CNTNAP5: variants seen among roughly 807,000 people sequenced by gnomAD.
CNTNAP5 encodes contactin-associated protein-like 5.
In CNTNAP5, 72 loss-of-function variants were observed where a neutral mutation model predicts 150.2. The ratio of observed to expected loss-of-function variants is 0.48; its 90% confidence interval spans 0.40 to 0.58. The LOEUF (loss-of-function observed/expected upper bound fraction) is 0.58, where lower values mean the gene tolerates loss of function less well. Among genes scored for constraint, CNTNAP5 ranks in the 20% least tolerant of loss-of-function variants. CNTNAP5 has a pLI of 0.00. For synonymous variants in CNTNAP5, 672 were observed against 619.8 expected, an observed-to-expected ratio of 1.08 and a Z score of -1.25; for missense variants, 1,636 against 1,626.2, an observed-to-expected ratio of 1.01 and a Z score of -0.10.
intron 13 of CNTNAP5, chr2:124,681,054 G>C (rs1021023781): frequency 1.3e-5 from 2 of 151,626 alleles, no homozygotes; most frequent in African/African-American, 4.8e-5. Context: ...GGAGGTCGAG[G>C]TGTGTGGATC....
chr2:124,370,911 C>T (rs1225713603), intron 3 of CNTNAP5, among the ~76,000 whole-genome samples: 1 of 151,980 alleles, frequency 6.6e-6, no homozygotes, highest in African/African-American at 2.4e-5. Flanking sequence ...ACAGTTAAAC[C>T]TGAGTTTTGT....
chr2:124,347,888 G>A (rs1465785334), intron 3 of CNTNAP5, among the ~76,000 whole-genome samples: 1 of 150,840 alleles, frequency 6.6e-6, no homozygotes, highest in Non-Finnish European at 1.5e-5. Context: ...GCAGTGGCAC[G>A]AACTCCGCTC....
At chr2:124,261,176 T>C (rs1360867440) in intron 3 of CNTNAP5, among the ~76,000 whole-genome samples, 1 of 152,206 alleles carries the variant, frequency 6.6e-6, no homozygotes, top group Non-Finnish European at 1.5e-5. Flanking sequence ...CATGTTCATC[T>C]GCTAATTCAG....
intron 13 of CNTNAP5, among the ~76,000 whole-genome samples, chr2:124,672,882 A>G (rs1446109623): frequency 6.6e-6 from 1 of 152,190 alleles, no homozygotes; most frequent in Admixed American, 6.5e-5. Context: ...TAAAAGCACA[A>G]GGGATAAACT....
chr2:124,266,315 T>G (rs1687605322), intron 3 of CNTNAP5, among the ~76,000 whole-genome samples: 1 of 152,196 alleles, frequency 6.6e-6, no homozygotes, highest in Admixed American at 6.5e-5. Context: ...TGACCATTTT[T>G]AAGAACTAAA....
intron 11 of CNTNAP5, among the ~76,000 whole-genome samples, chr2:124,566,519 A>C (rs191269961): frequency 6.6e-6 from 1 of 152,294 alleles, no homozygotes; most frequent in African/African-American, 2.4e-5. Flanking sequence ...GACTCAACAC[A>C]CAAAAACCTT....
intron 14 of CNTNAP5, among the ~76,000 whole-genome samples, chr2:124,759,752 G>T (rs1209284274): frequency 6.6e-6 from 1 of 151,756 alleles, no homozygotes; most frequent in African/African-American, 2.4e-5. Context: ...CTTATGTTAG[G>T]AAATAAAAAC....
Position 124,507,667 on chromosome 2 carries a change from C to T in CNTNAP5, c.1327+3111C>T, listed in dbSNP as rs766252509. Among the ~76,000 whole-genome samples, 114 of 152,184 alleles carry T rather than the reference C, an allele frequency of 7.5e-4. 2 individuals are homozygous for T. The highest frequency in any genetic ancestry group is 2.2e-4 in the Non-Finnish European group (15 of 67,992). On this transcript the variant is annotated intron_variant, in intron 8 of 23. Coordinates refer to ENST00000682447, the MANE Select transcript of CNTNAP5 (RefSeq NM_001367498.1). The stretch of plus-strand genomic sequence containing the variant: ...TTTAAATGTTTGGACTCTCAGTCCT[C>T]GATCCATACAAGGGAGAGCCTTACA...
At chr2:124,064,191 T>C (rs1682094061) in intron 1 of CNTNAP5, among the ~76,000 whole-genome samples, 1 of 152,144 alleles carries the variant, frequency 6.6e-6, no homozygotes, top group African/African-American at 2.4e-5. Flanking sequence ...CTGTATTAAG[T>C]GCATCTGAAT....
At chr2:124,592,240 A>G (rs1195087837) in intron 11 of CNTNAP5, among the ~76,000 whole-genome samples, 1 of 152,102 alleles carries the variant, frequency 6.6e-6, no homozygotes, top group Non-Finnish European at 1.5e-5. Flanking sequence ...AGATCACTAG[A>G]CATGGTGTTT....
intron 3 of CNTNAP5, among the ~76,000 whole-genome samples, chr2:124,288,399 C>T (rs1442477325): frequency 6.6e-6 from 1 of 152,158 alleles, no homozygotes; most frequent in Non-Finnish European, 1.5e-5. Context: ...AAACTCTATA[C>T]ATGGGGCACT....
At chr2:124,565,538 G>T (rs886586418) in intron 11 of CNTNAP5, among the ~76,000 whole-genome samples, 1 of 143,084 alleles carries the variant, frequency 7.0e-6, no homozygotes, top group Non-Finnish European at 1.5e-5. Context: ...AAGAACAATA[G>T]AATAACAGAG....
intron 20 of CNTNAP5, among the ~76,000 whole-genome samples, chr2:124,866,785 C>G (rs1677641137): frequency 6.6e-6 from 1 of 152,072 alleles, no homozygotes; most frequent in Non-Finnish European, 1.5e-5. Context: ...ATCTGCCTAT[C>G]AATCACTCCA....
chr2:124,104,171 A>G (rs1406130696), intron 1 of CNTNAP5, among the ~76,000 whole-genome samples: 1 of 151,744 alleles, frequency 6.6e-6, no homozygotes, highest in Non-Finnish European at 1.5e-5. Flanking sequence ...AGTGATCAAC[A>G]TTTACAATCT....
At chr2:124,115,873 C>T (rs935035536) in intron 1 of CNTNAP5, among the ~76,000 whole-genome samples, 4 of 150,326 alleles carry the variant, frequency 2.7e-5, no homozygotes, top group Admixed American at 6.7e-5. Context: ...AAACTTCTGG[C>T]CTCAAGCTAT....
At chr2:124,443,064 C>A (rs370008142) in intron 5 of CNTNAP5, among the ~76,000 whole-genome samples, 3 of 151,740 alleles carry the variant, frequency 2.0e-5, no homozygotes, top group Admixed American at 6.6e-5. Context: ...TCCTCCAGTT[C>A]TTTATCTAAG....
intron 21 of CNTNAP5, among the ~76,000 whole-genome samples, chr2:124,889,053 A>G (rs1426884802): frequency 8.3e-6 from 1 of 120,176 alleles, no homozygotes; most frequent in African/African-American, 3.1e-5. Context: ...CTTTTCTTCT[A>G]GGATTCTTAT....
intron 13 of CNTNAP5, among the ~76,000 whole-genome samples, chr2:124,709,110 A>G (rs1461452789): frequency 1.3e-5 from 2 of 152,124 alleles, no homozygotes; most frequent in African/African-American, 4.8e-5. Flanking sequence ...GGCCCATAAA[A>G]GTAGCAAGTT....
At chr2:124,223,656 G>A (rs1042900706) in intron 2 of CNTNAP5, among the ~76,000 whole-genome samples, 5 of 151,818 alleles carry the variant, frequency 3.3e-5, no homozygotes, top group Non-Finnish European at 5.9e-5. Context: ...GTTTCTGGGG[G>A]AAGCTGTGGG....
Sources: allele counts gnomAD v4.1 joint callset (sites outside exome capture counted in the v4.1 genomes callset), GRCh38; gene constraint gnomAD v4.1.1; transcripts MANE v1.5; gene names NCBI Gene and HGNC (gene_info 2026-07-23, HGNC 2026-07-21).